Variants in FRY observed in about 807,000 individuals in gnomAD.
The protein encoded by FRY is FRY microtubule binding protein.
A neutral mutation model predicts 348.4 loss-of-function variants in FRY; 128 were observed. That is an observed-to-expected ratio of 0.37 (90% CI 0.32 to 0.43). FRY has a LOEUF of 0.43. Among genes scored for constraint, FRY ranks in the 20% least tolerant of loss-of-function variants. The pLI, the probability that FRY is intolerant of heterozygous loss-of-function variation, is 1.00. For synonymous variants in FRY, 1,370 were observed against 1,374.7 expected, an observed-to-expected ratio of 1.00 and a Z score of 0.08; for missense variants, 2,736 against 3,695.2, an observed-to-expected ratio of 0.74 and a Z score of 6.73.
intron 55 of FRY, among the ~76,000 whole-genome samples, chr13:32,268,497 AAAAAAAAAATATATATATATAT>A: frequency 6.5e-5 from 1 of 15,448 alleles, no homozygotes; most frequent in African/African-American, 1.5e-4. Flanking sequence ...AAAAAAAAAA[AAAAAAAAAATATATATATATAT>A]ATATATATAT....
intron 40 of FRY, 109 bp downstream of exon 40, chr13:32,228,763 C>G: frequency 1.1e-6 from 1 of 914,004 alleles, no homozygotes; most frequent in Non-Finnish European, 1.8e-6. Context: ...CTAACAAAGT[C>G]CTGTTTCTCT....
chr13:32,273,534 AC>A (rs2138589661), intron 55 of FRY, among the ~76,000 whole-genome samples: 1 of 152,056 alleles, frequency 6.6e-6, no homozygotes, highest in South Asian at 2.1e-4. Flanking sequence ...ACTGTTCTTA[AC>A]CTCAGATTGT....
chr13:32,105,763 G>A lies in FRY; in HGVS notation c.324+3747G>A, dbSNP rs543357343. The stretch of plus-strand genomic sequence containing the variant: ...AAGTGCATCCTTTGAACAACATACA[G>A]TTGGTTCCTGTTTAAATGATATTTG... On this transcript the variant is annotated intron_variant, in intron 3 of 60. Transcript: ENST00000542859. Among the ~76,000 whole-genome samples the A allele has an allele frequency of 1.4e-4, 22 of 152,238 alleles. No homozygotes were observed. In the East Asian group the frequency reaches 4.2e-3, roughly 29 times the overall value.
At chr13:32,136,749 T>C in intron 10 of FRY, 122 bp from the exon 11 acceptor site, 1 of 755,108 alleles carries the variant, frequency 1.3e-6, no homozygotes. Context: ...TGCTACACAG[T>C]GTCCTGTTTC....
intron 7 of FRY, among the ~76,000 whole-genome samples, chr13:32,129,956 C>T (rs912561549): frequency 6.6e-6 from 1 of 151,948 alleles, no homozygotes; most frequent in Non-Finnish European, 1.5e-5. Context: ...CTTTATTTGT[C>T]CTGAAATTTC....
chr13:32,259,428 C>T (rs1887512959), intron 51 of FRY, among the ~76,000 whole-genome samples: 1 of 152,218 alleles, frequency 6.6e-6, no homozygotes, highest in African/African-American at 2.4e-5. Flanking sequence ...ATTTTCACAC[C>T]TGATTGATTC....
chr13:32,216,846 A>G (rs528348798), intron 35 of FRY, among the ~76,000 whole-genome samples: 6 of 152,356 alleles, frequency 3.9e-5, no homozygotes, highest in African/African-American at 1.2e-4. Flanking sequence ...CCCAAAAGAT[A>G]TAACAGTGAA....
intron 2 of FRY, among the ~76,000 whole-genome samples, chr13:32,082,932 A>T (rs1445402656): frequency 6.6e-6 from 1 of 150,876 alleles, no homozygotes; most frequent in East Asian, 1.9e-4. Flanking sequence ...ATTTATTTTT[A>T]TTTTCTTGTT....
intron 14 of FRY, among the ~76,000 whole-genome samples, chr13:32,153,439 G>T (rs1164196282): frequency 2.6e-5 from 4 of 152,116 alleles, no homozygotes; most frequent in African/African-American, 9.7e-5. Context: ...AAGATATAAA[G>T]TCTATGTACT....
intron 1 of FRY, among the ~76,000 whole-genome samples, chr13:32,044,956 T>G (rs559120071): frequency 1.3e-5 from 2 of 152,320 alleles, no homozygotes; most frequent in South Asian, 4.2e-4. Flanking sequence ...CAGTAAAATA[T>G]GACCAGTAAT....
At chr13:32,128,287 A>C (rs967183555) in intron 7 of FRY, among the ~76,000 whole-genome samples, 2 of 152,190 alleles carry the variant, frequency 1.3e-5, no homozygotes, top group Non-Finnish European at 2.9e-5. Context: ...GATGCCCTGA[A>C]GCCACTATTT....
In FRY at chr13:32,267,337, A is replaced by T; in HGVS notation, c.8114A>T (p.His2705Leu). Reference protein sequence around the residue: ...SDGSCAVYTFHVFSSLFKNIQ... With the variant: ...SDGSCAVYTFLVFSSLFKNIQ... ...GGCTCCTGTGCTGTGTATACATTTCATGTGTTCTCCTCCTTGTTTAAGGTA... is the reference window on the plus strand; with the variant it reads ...GGCTCCTGTGCTGTGTATACATTTCTTGTGTTCTCCTCCTTGTTTAAGGTA... Residue 2705 changes from histidine (H) to leucine (L), a missense_variant, in exon 55 of 61, where the codon CAT (histidine) becomes CTT (leucine). By Grantham distance (99) the His-to-Leu change is moderately conservative. Coordinates refer to ENST00000542859, the MANE Select transcript of FRY (RefSeq NM_023037.3). 3.7e-6 allele frequency: 6 copies of T among 1,613,996 alleles called. No homozygotes were observed. Among genetic ancestry groups the T allele is most frequent in the Non-Finnish European group, 4.2e-6 (5 of 1,179,958 alleles).
Position 32,237,906 on chromosome 13 carries a change from C to T in FRY, c.6338C>T (p.Thr2113Ile). ...LLLKGFTSLT[T>I]TDLTLQLFSL... Reference sequence around the variant, plus strand: ...CTGAAAGGATTCACATCCCTCACCACCACAGACCTGACCCTGCAGCTCTTC... The same window carrying T: ...CTGAAAGGATTCACATCCCTCACCATCACAGACCTGACCCTGCAGCTCTTC... Residue 2113 changes from threonine to isoleucine, a missense_variant, in exon 44 of 61, where the codon ACC becomes ATC. Thr to Ile is a moderately conservative substitution (Grantham distance 89, BLOSUM62 -1). This residue lies in a region of FRY where 789 missense variants were observed against 996.2 expected (regional missense o/e 0.79). Transcript: ENST00000542859. This position sits in a 1 kb window ranked among gnomAD's most constrained non-coding sequence, Gnocchi z 6.3. 1 of 1,614,152 alleles carries T rather than the reference C, an allele frequency of 6.2e-7. No homozygotes were observed. Among genetic ancestry groups the T allele is most frequent in the Non-Finnish European group, 8.5e-7 (1 of 1,180,002 alleles).
Position 32,149,834 on chromosome 13 carries a change from G to A in FRY, c.1479G>A (p.Glu493=). Residue 493 remains glutamate (E), a splice_region_variant and synonymous_variant, in exon 14 of 61, where the codon GAG becomes GAA. Coordinates refer to ENST00000542859, the MANE Select transcript of FRY (RefSeq NM_023037.3). ...CAAAAGCATTCAGTCTCAACCCAGA[G>A]GTATGAATGATCCTTTTATGTACTT... is the stretch of plus-strand genomic sequence containing the variant. ...KPAKAFSLNP[E]RMNIGLRAFL... is the part of the protein sequence containing the mutation. 6.4e-7 allele frequency: 1 copy of A among 1,573,642 alleles called. No homozygotes were observed. The highest frequency in any genetic ancestry group is 8.7e-7 in the Non-Finnish European group (1 of 1,143,158).
At chr13:32,065,937 A>G (rs1439238460) in intron 1 of FRY, among the ~76,000 whole-genome samples, 1 of 152,174 alleles carries the variant, frequency 6.6e-6, no homozygotes, top group African/African-American at 2.4e-5. Flanking sequence ...TATGAATCAA[A>G]TATAGACATC....
chr13:32,261,686 T>G lies in FRY; in HGVS notation c.7487T>G (p.Met2496Arg). ...CTGGACAGCCTGGATAAGTGTGATA[T>G]GCAGATTCTGGAGGAGCGCCAACTG... is the stretch of plus-strand genomic sequence containing the variant. ...RSLDSLDKCD[M>R]QILEERQLSG... Residue 2496 changes from methionine to arginine, a missense_variant, in exon 52 of 61, where the codon ATG becomes AGG. Around this residue, in one of 9 missense-constraint regions of FRY, gnomAD observed 789 missense variants for 996.2 expected, o/e 0.79. Transcript: ENST00000542859. The G allele has an allele frequency of 6.2e-7, 1 of 1,614,146 alleles. No homozygotes were observed. Among genetic ancestry groups the G allele is most frequent in the African/African-American group, 1.3e-5 (1 of 75,038 alleles).
At chr13:32,168,330 C>T (rs1421694840) in intron 17 of FRY, among the ~76,000 whole-genome samples, 2 of 152,170 alleles carry the variant, frequency 1.3e-5, no homozygotes, top group East Asian at 3.9e-4. Flanking sequence ...GTCAGTCCTG[C>T]AGCTGGTCAA....
intron 41 of FRY, among the ~76,000 whole-genome samples, chr13:32,232,995 C>T (rs746556955): frequency 6.6e-6 from 1 of 150,624 alleles, no homozygotes; most frequent in Non-Finnish European, 1.5e-5. Context: ...GGGTACCTAA[C>T]TTCCACATAT....
rs1352352832 is a variant in FRY at position 32,209,599 on chromosome 13, T to G, written c.4290T>G (p.Val1430=). Residue 1430 remains valine (V), a synonymous_variant, in exon 33 of 61, where the codon GTT becomes GTG. Transcript: ENST00000542859. ...TTTTGTTATAGTATGGAGATGAAGT[T>G]CCTGGGCCAGAAATGGAAAATGCTT... ...MYMTAKYGDE[V]PGPEMENAWN... The G allele has an allele frequency of 6.2e-7, 1 of 1,613,976 alleles. No individual in the cohort carries two copies. Among genetic ancestry groups the G allele is most frequent in the Non-Finnish European group, 8.5e-7 (1 of 1,180,002 alleles).
Sources: gnomAD v4.1 joint callset for allele counts (sites outside exome capture counted in the v4.1 genomes callset) on GRCh38, gnomAD v4.1.1 for gene constraint, gnomAD v4.1.1 regional missense constraint, Gnocchi (gnomAD v3.1) non-coding constraint, MANE v1.5 for transcripts, NCBI Gene and HGNC (gene_info 2026-07-23, HGNC 2026-07-21) for gene names.